CTDSPL2: variants seen among roughly 807,000 people sequenced by gnomAD.
CTDSPL2 encodes CTD small phosphatase like 2, also known as CTD small phosphatase-like protein 2.
Under a neutral mutation model 60.0 loss-of-function variants are expected in CTDSPL2, and 5 were observed. The ratio of observed to expected loss-of-function variants is 0.08; its 90% CI spans 0.04 to 0.18. The LOEUF (loss-of-function observed/expected upper bound fraction) is 0.18. CTDSPL2 is among the 10% of genes least tolerant of loss of function. The pLI is 1.00. For missense variants in CTDSPL2, 370 were observed against 548.8 expected (o/e 0.67, Z 3.26); for synonymous variants, 186 against 189.3 (o/e 0.98, Z 0.14).
At chr15:44,471,759 A>G (rs1002840196) in intron 2 of CTDSPL2, among the ~76,000 whole-genome samples, 9 of 152,120 alleles carry the variant, frequency 5.9e-5, no homozygotes, top group African/African-American at 1.7e-4. Context: ...AGAAACCTCT[A>G]GCTCCTAAAT....
At chr15:44,495,213 G>A (rs2081278294) in intron 5 of CTDSPL2, among the ~76,000 whole-genome samples, 2 of 152,036 alleles carry the variant, frequency 1.3e-5, no homozygotes, top group South Asian at 2.1e-4. Context: ...CAGGTGATCC[G>A]CCTGCCTTGG....
Position 44,427,734 on chromosome 15 carries a change from C to T in CTDSPL2, c.-63C>T, listed in dbSNP as rs3743218. On this transcript the variant is annotated 5_prime_UTR_variant, in exon 1 of 13. Coordinates refer to ENST00000260327, the MANE Select transcript of CTDSPL2 (RefSeq NM_016396.3). ...CCACACATTGCGCAGTCGGGACCAT[C>T]GCCGGAGCCTGAGGACACTTCTCTG... 6 of 399,278 alleles carry T rather than the reference C, an allele frequency of 1.5e-5. No individual in the cohort carries two copies. In the East Asian group the frequency reaches 2.1e-4, roughly 14 times the overall value. 24.7% of individuals were successfully genotyped at this position (399,278 alleles called of 1,614,324 possible).
intron 1 of CTDSPL2, among the ~76,000 whole-genome samples, chr15:44,436,848 C>T (rs891215810): frequency 6.6e-6 from 1 of 152,128 alleles, no homozygotes; most frequent in South Asian, 2.1e-4. Flanking sequence ...ATGCATGACA[C>T]ATCAGAACAG....
chr15:44,466,732 C>CAGG (rs535855198), intron 2 of CTDSPL2, among the ~76,000 whole-genome samples: 157 of 150,968 alleles, frequency 1.0e-3, no homozygotes, highest in African/African-American at 3.3e-3. Context: ...ATCATGAGGT[C>CAGG]AGGAGATCGA....
At chr15:44,519,628 G>A (rs531400388) in intron 11 of CTDSPL2, 22 of 175,766 alleles carry the variant, frequency 1.3e-4, no homozygotes, top group Non-Finnish European at 2.3e-4. Context: ...ATGTTCTTCT[G>A]GTCTGGTTAT....
intron 1 of CTDSPL2, among the ~76,000 whole-genome samples, chr15:44,450,036 T>C (rs2141319040): frequency 6.6e-6 from 1 of 152,116 alleles, no homozygotes; most frequent in Non-Finnish European, 1.5e-5. Flanking sequence ...TATGAAATAA[T>C]GATCCTTATG....
chr15:44,455,791 A>C (rs1451057448), intron 1 of CTDSPL2, among the ~76,000 whole-genome samples: 1 of 150,410 alleles, frequency 6.6e-6, no homozygotes, highest in African/African-American at 2.5e-5. Flanking sequence ...ATGGTGGATA[A>C]GCTTTTTGAT....
chr15:44,451,844 T>C (rs1296386836), intron 1 of CTDSPL2, among the ~76,000 whole-genome samples: 1 of 152,220 alleles, frequency 6.6e-6, no homozygotes, highest in Non-Finnish European at 1.5e-5. Flanking sequence ...TTGCTTTTAC[T>C]TTTAAGCTTG....
At chr15:44,444,802 T>C (rs1214256022) in intron 1 of CTDSPL2, among the ~76,000 whole-genome samples, 3 of 145,532 alleles carry the variant, frequency 2.1e-5, no homozygotes, top group Admixed American at 1.4e-4. Flanking sequence ...TTAGTAGGGG[T>C]ACAGATAGGC....
chr15:44,495,151 A>G (rs886955220), intron 5 of CTDSPL2, among the ~76,000 whole-genome samples: 2 of 151,946 alleles, frequency 1.3e-5, no homozygotes, highest in Non-Finnish European at 1.5e-5. Flanking sequence ...TTGTATTTCT[A>G]TAGAAATGGG....
At chr15:44,487,139 T>G (rs1346031871) in intron 4 of CTDSPL2, among the ~76,000 whole-genome samples, 5 of 152,182 alleles carry the variant, frequency 3.3e-5, no homozygotes. Context: ...CGTGTATGTT[T>G]TCCACCTCAT....
Position 44,490,679 on chromosome 15 carries a change from A to G in CTDSPL2, c.476-105A>G, listed in dbSNP as rs149011224. ...GCAATATACTCAGCTTTGTTCCTGCAGGAATGATCAGTCTAAATAAATATA... is the reference window on the plus strand; with the variant it reads ...GCAATATACTCAGCTTTGTTCCTGCGGGAATGATCAGTCTAAATAAATATA... On this transcript the variant is annotated intron_variant, in intron 4 of 12. Coordinates refer to ENST00000260327, the MANE Select transcript of CTDSPL2 (RefSeq NM_016396.3). 9.9e-6 allele frequency: 8 copies of G among 811,966 alleles called. No homozygotes were observed. The East Asian group carries it at 1.0e-4, about 10-fold the overall frequency. 50.3% of individuals were successfully genotyped at this position (811,966 alleles called of 1,614,324 possible).
At chr15:44,506,589 A>G (rs1397098855) in intron 8 of CTDSPL2, among the ~76,000 whole-genome samples, 2 of 149,708 alleles carry the variant, frequency 1.3e-5, no homozygotes, top group African/African-American at 2.5e-5. Context: ...CCTTTTTTGT[A>G]TGTTTTGTAG....
chr15:44,490,812 G>A lies in CTDSPL2; in HGVS notation c.504G>A (p.Gln168=). 1 of 1,613,078 alleles carries A rather than the reference G, an allele frequency of 6.2e-7. No homozygotes were observed. Among genetic ancestry groups the A allele is most frequent in the Non-Finnish European group, 8.5e-7 (1 of 1,179,928 alleles). The stretch of plus-strand genomic sequence containing the variant: ...CGTCAGGATCAGATTCTCCAGGACA[G>A]GCTGTGGAAGCTGAAGAAATAGTAA... The part of the protein sequence containing the change: ...NGTSGSDSPG[Q]AVEAEEIVKQ... Residue 168 remains glutamine, a synonymous_variant, in exon 5 of 13, where the codon CAG becomes CAA. Transcript: ENST00000260327.
At chr15:44,492,252 C>T (rs937403284) in intron 5 of CTDSPL2, among the ~76,000 whole-genome samples, 6 of 152,168 alleles carry the variant, frequency 3.9e-5, no homozygotes, top group Non-Finnish European at 8.8e-5. Context: ...GGGAGGATTG[C>T]TTGAGCCCAG....
At chr15:44,516,457 A>G (rs1355682090) in intron 10 of CTDSPL2, among the ~76,000 whole-genome samples, 2 of 152,158 alleles carry the variant, frequency 1.3e-5, no homozygotes, top group African/African-American at 4.8e-5. Context: ...TTGTTTTTTA[A>G]TCTAAAGGGT....
At chr15:44,505,016 T>TA (rs959582831) in intron 8 of CTDSPL2, among the ~76,000 whole-genome samples, 2 of 152,066 alleles carry the variant, frequency 1.3e-5, no homozygotes, top group African/African-American at 2.4e-5. Context: ...ATTAATTGGC[T>TA]AAAAAAAGGA....
chr15:44,491,258 T>C (rs1345215821), intron 5 of CTDSPL2, among the ~76,000 whole-genome samples: 3 of 152,180 alleles, frequency 2.0e-5, no homozygotes, highest in African/African-American at 7.2e-5. Flanking sequence ...TTGGAGAAAT[T>C]TAATACAACT....
chr15:44,497,023 A>T lies in CTDSPL2; in HGVS notation c.771-4A>T. Reference sequence around the variant, plus strand: ...TTGAAATTTTCTTAAAATCTGATTTATAGCTATTATTTCATCAAACATGTC... The same window carrying T: ...TTGAAATTTTCTTAAAATCTGATTTTTAGCTATTATTTCATCAAACATGTC... On this transcript the variant is annotated splice_polypyrimidine_tract_variant and splice_region_variant and intron_variant, in intron 6 of 12. Transcript: ENST00000260327. 1 of 1,523,820 alleles carries T rather than the reference A, an allele frequency of 6.6e-7. No individual in the cohort carries two copies. The highest frequency in any genetic ancestry group is 9.1e-7 in the Non-Finnish European group (1 of 1,101,904). 94.4% of individuals were successfully genotyped at this position (1,523,820 alleles called of 1,614,324 possible).
Sources: gnomAD v4.1 joint callset for allele counts (sites outside exome capture counted in the v4.1 genomes callset) on GRCh38, gnomAD v4.1.1 for gene constraint, MANE v1.5 for transcripts, NCBI Gene and HGNC (gene_info 2026-07-23, HGNC 2026-07-21) for gene names.